GEMIN5: variants seen among roughly 807,000 people sequenced by gnomAD.
GEMIN5 encodes the protein gem nuclear organelle associated protein 5, also known as gem-associated protein 5.
A neutral mutation model predicts 176.9 loss-of-function variants in GEMIN5; 124 were observed. The ratio of observed to expected loss-of-function variants is 0.70; its 90% CI spans 0.61 to 0.81. GEMIN5 has a LOEUF of 0.81. Ranked by LOEUF, GEMIN5 falls within the 40% of genes least tolerant of loss-of-function variation. The pLI, the probability that GEMIN5 is intolerant of heterozygous loss-of-function variation, is 0.00. For synonymous variants in GEMIN5, 673 were observed against 665.2 expected (o/e 1.01, Z -0.18); for missense variants, 1,843 against 1,814.6 (o/e 1.02, Z -0.28).
Position 154,898,312 on chromosome 5 carries a change from T to C in GEMIN5, c.3345+128A>G, listed in dbSNP as rs562581174. 66 of 757,024 alleles carry C rather than the reference T, an allele frequency of 8.7e-5. No homozygotes were observed. In the African/African-American group the frequency reaches 9.8e-4, roughly 11 times the overall value. 46.9% of individuals were successfully genotyped at this position (757,024 alleles called of 1,614,324 possible). On this transcript the variant is annotated intron_variant, in intron 23 of 27. Transcript: ENST00000285873. ...GTCATAGTACTTCAGTGGGATAGCA[T>C]GGCCAGGGCTTGCTGGGCCTGCCAA...
At chr5:154,893,616 C>A (rs1455722647) in intron 24 of GEMIN5, among the ~76,000 whole-genome samples, 3 of 152,226 alleles carry the variant, frequency 2.0e-5, no homozygotes, top group African/African-American at 7.2e-5. Flanking sequence ...CCTGGCCCCA[C>A]CCCACTGGCA....
At chr5:154,905,814 C>G (rs1350060701) in intron 16 of GEMIN5, among the ~76,000 whole-genome samples, 1 of 152,036 alleles carries the variant, frequency 6.6e-6, no homozygotes, top group Non-Finnish European at 1.5e-5. Context: ...ATTCTCCTGC[C>G]TGAGCCTCGC....
chr5:154,901,460 C>T lies in GEMIN5; in HGVS notation c.2893G>A (p.Val965Met), dbSNP rs754856830. 11 of 1,614,026 alleles carry T rather than the reference C, an allele frequency of 6.8e-6. No individual in the cohort carries two copies. The East Asian group carries it at 1.8e-4, about 26-fold the overall frequency. ...AAGYHVWLWA[V>M]EAFAKQLCFQ... The stretch of plus-strand genomic sequence containing the variant: ...CACAGCTGTTTGGCAAAAGCTTCCA[C>T]AGCCCATAGCCACACATGGTAGCCA... Residue 965 changes from valine to methionine, a missense_variant, in exon 21 of 28, where the codon GTG becomes ATG. Physicochemically the swap from Val to Met is conservative, Grantham distance 21. Transcript: ENST00000285873.
Position 154,938,149 on chromosome 5 carries a change from G to A in GEMIN5, c.-16C>T. On this transcript the variant is annotated 5_prime_UTR_variant, in exon 1 of 28. Coordinates refer to ENST00000285873, the MANE Select transcript of GEMIN5 (RefSeq NM_015465.5). ...CCTGCCCCATAACTACAAGCCGTCA[G>A]AGACAAGAGAAGCTGCCACAGCCGA... is the stretch of plus-strand genomic sequence containing the variant. The A allele has an allele frequency of 7.3e-7, 1 of 1,360,922 alleles. No individual in the cohort carries two copies. Among genetic ancestry groups the A allele is most frequent in the Non-Finnish European group, 9.5e-7 (1 of 1,050,022 alleles). The allele number at this position is 1,360,922 out of a possible 1,614,324, so 84.3% of individuals were successfully genotyped here.
chr5:154,937,199 C>A lies in GEMIN5; in HGVS notation c.167-14G>T. On this transcript the variant is annotated splice_polypyrimidine_tract_variant and intron_variant, in intron 1 of 27. Transcript: ENST00000285873. ...ACTCTCCTATGACTTTAAGCAAAAC[C>A]AGACGCTAGGTTAATCGAAGTGCTA... The A allele has an allele frequency of 3.1e-6, 5 of 1,588,444 alleles. No individual in the cohort carries two copies. Among genetic ancestry groups the A allele is most frequent in the Non-Finnish European group, 4.3e-6 (5 of 1,163,622 alleles).
At chr5:154,894,343 T>G (rs1460073829) in intron 24 of GEMIN5, among the ~76,000 whole-genome samples, 1 of 152,240 alleles carries the variant, frequency 6.6e-6, no homozygotes, top group East Asian at 1.9e-4. Flanking sequence ...TTTCTAGTTT[T>G]TGGCTACTGT....
rs771222621 is a variant in GEMIN5, at chr5:154,917,965, C to A, written c.1639G>T (p.Asp547Tyr). ...PVHTEISWKA[D>Y]GKIMALGNED... ...TTGCCAAGAGCCATGATTTTGCCAT[C>A]TGCTTTCCAACTTATCTCTGTGTGT... is the stretch of plus-strand genomic sequence containing the variant. The change falls in exon 12 of 28, where the codon GAT becomes TAT. Residue 547 changes from aspartate (D) to tyrosine (Y), a missense_variant. Coordinates refer to ENST00000285873, the MANE Select transcript of GEMIN5 (RefSeq NM_015465.5). 8 of 1,612,972 alleles carry A rather than the reference C, an allele frequency of 5.0e-6. No homozygotes were observed. The East Asian group carries it at 1.3e-4, about 27-fold the overall frequency.
At chr5:154,928,265 G>A (rs533002917) in intron 6 of GEMIN5, among the ~76,000 whole-genome samples, 1 of 152,312 alleles carries the variant, frequency 6.6e-6, no homozygotes, top group South Asian at 2.1e-4. Context: ...TCTTGCTCAG[G>A]AATACAAGGC....
At chr5:154,913,171 A>T (rs533820341) in intron 13 of GEMIN5, 133 bp from the exon 14 acceptor site, 1 of 719,214 alleles carries the variant, frequency 1.4e-6, no homozygotes, top group Admixed American at 3.2e-5. Flanking sequence ...TTTTTTTTTG[A>T]GATGGAGTTT....
intron 15 of GEMIN5, among the ~76,000 whole-genome samples, chr5:154,911,384 G>A (rs570730300): frequency 1.3e-5 from 2 of 152,258 alleles, no homozygotes; most frequent in East Asian, 1.9e-4. Flanking sequence ...ATGGTAGTGC[G>A]CACCTGTAGT....
chr5:154,918,205 A>G (rs1763851733), intron 11 of GEMIN5, among the ~76,000 whole-genome samples: 1 of 152,216 alleles, frequency 6.6e-6, no homozygotes. Context: ...CAAAAAAACA[A>G]AACAAAAAAA....
intron 19 of GEMIN5, 97 bp from the exon 20 acceptor site, chr5:154,902,773 CT>C: frequency 8.1e-7 from 1 of 1,234,322 alleles, no homozygotes; most frequent in Non-Finnish European, 1.2e-6. Flanking sequence ...AAGTGAGCTC[CT>C]AAAATATGCA....
Position 154,900,844 on chromosome 5 carries a change from G to T in GEMIN5, c.3014+495C>A, listed in dbSNP as rs74635634. On this transcript the variant is annotated intron_variant, in intron 21 of 27. Transcript: ENST00000285873. ...GGAGACATCTGAGTTTTGATTTGTT[G>T]AATGCATAAGGCATTCAAGAAAGAT... 9.8e-4 allele frequency among the ~76,000 whole-genome samples: 147 copies of T among 149,836 alleles called. 2 individuals are homozygous for T. The East Asian group carries it at 0.024, about 25-fold the overall frequency.
chr5:154,891,151 T>A, intron 26 of GEMIN5, 90 bp downstream of exon 26: 3 of 1,070,654 alleles, frequency 2.8e-6, no homozygotes, highest in Middle Eastern at 4.0e-4. Flanking sequence ...TGCTTCAGCC[T>A]CCCAAAGTGC....
chr5:154,929,166 G>A (rs1252531550), intron 5 of GEMIN5, among the ~76,000 whole-genome samples: 1 of 152,200 alleles, frequency 6.6e-6, no homozygotes, highest in African/African-American at 2.4e-5. Flanking sequence ...GGAGCTTGCA[G>A]TGAGCTGAGA....
chr5:154,905,022 G>A (rs1195966746), intron 17 of GEMIN5, among the ~76,000 whole-genome samples: 2 of 151,754 alleles, frequency 1.3e-5, no homozygotes, highest in African/African-American at 2.4e-5. Context: ...GTGAATCCCC[G>A]TCTCTACTAA....
Position 154,888,097 on chromosome 5 carries a change from G to A in GEMIN5, c.*113C>T. ...CTTAATCCTTGTTTGTATTCTTTTGGATTACTGCAAAAACATCTAGGGACC... is the reference window on the plus strand; with the variant it reads ...CTTAATCCTTGTTTGTATTCTTTTGAATTACTGCAAAAACATCTAGGGACC... On this transcript the variant is annotated 3_prime_UTR_variant, in exon 28 of 28. Coordinates refer to ENST00000285873, the MANE Select transcript of GEMIN5 (RefSeq NM_015465.5). 1 of 980,964 alleles carries A rather than the reference G, an allele frequency of 1.0e-6. No homozygotes were observed. The highest frequency in any genetic ancestry group is 1.6e-6 in the Non-Finnish European group (1 of 631,062). 60.8% of individuals were successfully genotyped at this position (980,964 alleles called of 1,614,324 possible). A position where few individuals can be genotyped will look rare whatever the true frequency, so the allele number is the denominator to read the frequency against.
At chr5:154,903,030 T>C (rs1281388938) in intron 19 of GEMIN5, 50 bp downstream of exon 19, 4 of 1,194,408 alleles carry the variant, frequency 3.3e-6, no homozygotes, top group South Asian at 1.3e-5. Flanking sequence ...ACACAAAATG[T>C]TGGGAAAGTA....
At chr5:154,917,250 T>G (rs1447497692) in intron 12 of GEMIN5, 71 bp from the exon 13 acceptor site, 1 of 781,066 alleles carries the variant, frequency 1.3e-6, no homozygotes, top group African/African-American at 1.8e-5. Flanking sequence ...AAATAGTAGC[T>G]CCCTCATTCC....
Sources: gnomAD v4.1 joint callset for allele counts (sites outside exome capture counted in the v4.1 genomes callset) on GRCh38, gnomAD v4.1.1 for gene constraint, MANE v1.5 for transcripts, NCBI Gene and HGNC (gene_info 2026-07-23, HGNC 2026-07-21) for gene names.